OSBPL1A: variants seen among roughly 807,000 people sequenced by gnomAD.
OSBPL1A encodes oxysterol binding protein like 1A.
Under a neutral mutation model 137.1 loss-of-function variants are expected in OSBPL1A, and 80 were observed. The observed-to-expected ratio is 0.58, with a 90% CI of 0.49 to 0.70. The LOEUF is 0.70. Among genes scored for constraint, OSBPL1A ranks in the 30% least tolerant of loss-of-function variants. OSBPL1A has a pLI of 0.00. For missense variants in OSBPL1A, 970 were observed against 1,129.4 expected, an observed-to-expected ratio of 0.86 and a Z score of 2.02; for synonymous variants, 365 against 389.7, an observed-to-expected ratio of 0.94 and a Z score of 0.75.
intron 21 of OSBPL1A, among the ~76,000 whole-genome samples, chr18:24,175,557 A>G (rs998831464): frequency 5.9e-5 from 9 of 152,196 alleles, no homozygotes; most frequent in African/African-American, 2.2e-4. Flanking sequence ...TGTTGGCTAT[A>G]TGATTTGCAA....
At chr18:24,286,017 C>G (rs2090060745) in intron 14 of OSBPL1A, among the ~76,000 whole-genome samples, 1 of 152,114 alleles carries the variant, frequency 6.6e-6, no homozygotes, top group African/African-American at 2.4e-5. Context: ...ATTAGCCGGC[C>G]ATCATGGCGT....
chr18:24,309,459 G>A (rs957334692), intron 13 of OSBPL1A, among the ~76,000 whole-genome samples: 5 of 152,076 alleles, frequency 3.3e-5, no homozygotes, highest in African/African-American at 1.2e-4. Flanking sequence ...TTTCTTATAG[G>A]TCTGTGTACT....
intron 13 of OSBPL1A, among the ~76,000 whole-genome samples, chr18:24,306,318 T>C (rs2090500412): frequency 6.6e-6 from 1 of 152,076 alleles, no homozygotes; most frequent in South Asian, 2.1e-4. Flanking sequence ...TACCTTATGA[T>C]CCCTAACCTA....
chr18:24,281,015 A>G, intron 14 of OSBPL1A, 67 bp from the exon 15 acceptor site: 1 of 959,316 alleles, frequency 1.0e-6, no homozygotes, highest in Non-Finnish European at 1.6e-6. Flanking sequence ...TAAGACCACA[A>G]AAATACTCTC....
intron 18 of OSBPL1A, among the ~76,000 whole-genome samples, chr18:24,189,040 A>G (rs761417966): frequency 2.6e-5 from 4 of 152,224 alleles, no homozygotes; most frequent in Non-Finnish European, 4.4e-5. Flanking sequence ...AGCTTCAGGC[A>G]GCTGGAAAAG....
chr18:24,328,969 C>T (rs560452158), intron 7 of OSBPL1A, among the ~76,000 whole-genome samples: 13 of 152,252 alleles, frequency 8.5e-5, no homozygotes, highest in Middle Eastern at 3.4e-3. Context: ...TTTAAAATTA[C>T]ATATGTGACT....
chr18:24,303,510 T>C (rs1400681180), intron 14 of OSBPL1A, 127 bp downstream of exon 14: 2 of 640,686 alleles, frequency 3.1e-6, no homozygotes, highest in Non-Finnish European at 5.2e-6. Context: ...AGTTTCAAAA[T>C]AGTTTTATCA....
At position 24,239,214 on chromosome 18, in the gene OSBPL1A, A is replaced by G; in HGVS notation, c.1444+6T>C. 3 of 1,612,842 alleles carry G rather than the reference A, an allele frequency of 1.9e-6. No individual in the cohort carries two copies. Among genetic ancestry groups the G allele is most frequent in the Non-Finnish European group, 2.5e-6 (3 of 1,179,548 alleles). Reference sequence around the variant, plus strand: ...AACAATGCAGAGGGAAGGATCCCAGAGTTACCTGACAGCGCATCATAGAAC... The same window carrying G: ...AACAATGCAGAGGGAAGGATCCCAGGGTTACCTGACAGCGCATCATAGAAC... On this transcript the variant is annotated splice_donor_region_variant and intron_variant, in intron 16 of 27. Coordinates refer to ENST00000319481, the MANE Select transcript of OSBPL1A (RefSeq NM_080597.4).
intron 14 of OSBPL1A, among the ~76,000 whole-genome samples, chr18:24,298,681 T>C (rs1484214290): frequency 2.0e-5 from 3 of 152,184 alleles, no homozygotes; most frequent in Non-Finnish European, 4.4e-5. Flanking sequence ...CCAAGAACCC[T>C]CTCTTAGGGT....
intron 17 of OSBPL1A, among the ~76,000 whole-genome samples, chr18:24,216,493 C>T (rs1410634755): frequency 6.6e-6 from 1 of 152,068 alleles, no homozygotes; most frequent in Non-Finnish European, 1.5e-5. Flanking sequence ...GGCGACAGAG[C>T]GAGACTGTGT....
At chr18:24,337,424 A>ATAAC (rs1568036788) in intron 5 of OSBPL1A, among the ~76,000 whole-genome samples, 12 of 60,750 alleles carry the variant, frequency 2.0e-4, no homozygotes, top group African/African-American at 1.2e-3. Flanking sequence ...CATAACATAA[A>ATAAC]GCCAGGCATG....
At chr18:24,289,474 T>C (rs2090137155) in intron 14 of OSBPL1A, among the ~76,000 whole-genome samples, 1 of 136,992 alleles carries the variant, frequency 7.3e-6, no homozygotes. Flanking sequence ...CAGGCTGCAA[T>C]GCAATGGCAT....
At chr18:24,281,960 A>C (rs888711300) in intron 14 of OSBPL1A, among the ~76,000 whole-genome samples, 7 of 152,152 alleles carry the variant, frequency 4.6e-5, no homozygotes, top group Admixed American at 2.6e-4. Flanking sequence ...CGAGAGCACG[A>C]ACCCTATTGC....
At chr18:24,353,516 C>T (rs2091480446) in intron 4 of OSBPL1A, among the ~76,000 whole-genome samples, 3 of 151,910 alleles carry the variant, frequency 2.0e-5, no homozygotes, top group African/African-American at 7.3e-5. Flanking sequence ...GTGGCGATTC[C>T]TCAGGGATCT....
intron 17 of OSBPL1A, among the ~76,000 whole-genome samples, chr18:24,213,145 A>T (rs1183752652): frequency 6.6e-6 from 1 of 152,196 alleles, no homozygotes; most frequent in Non-Finnish European, 1.5e-5. Context: ...CTCCAACTAA[A>T]ATTAGCGTAG....
At chr18:24,289,418 G>GT (rs536281272) in intron 14 of OSBPL1A, among the ~76,000 whole-genome samples, 7,967 of 93,826 alleles carry the variant, frequency 0.085, 751 homozygotes, top group Middle Eastern at 0.14. Context: ...GTTTTTTCCT[G>GT]TTTTTTTTTT....
intron 17 of OSBPL1A, among the ~76,000 whole-genome samples, chr18:24,221,940 C>G (rs2087907155): frequency 6.6e-6 from 1 of 152,162 alleles, no homozygotes; most frequent in Non-Finnish European, 1.5e-5. Flanking sequence ...TTGTATATGG[C>G]AGCCTAGCCA....
At chr18:24,369,687 G>A (rs888701609) in intron 2 of OSBPL1A, among the ~76,000 whole-genome samples, 1 of 152,188 alleles carries the variant, frequency 6.6e-6, no homozygotes, top group Admixed American at 6.5e-5. Context: ...CCCTGGGATT[G>A]TTTGCCATTT....
At chr18:24,328,836 C>T (rs1380562216) in intron 7 of OSBPL1A, among the ~76,000 whole-genome samples, 1 of 152,158 alleles carries the variant, frequency 6.6e-6, no homozygotes, top group Non-Finnish European at 1.5e-5. Context: ...TGTAAGATCT[C>T]ACTGATAATT....
Sources: allele counts gnomAD v4.1 joint callset (sites outside exome capture counted in the v4.1 genomes callset), GRCh38; gene constraint gnomAD v4.1.1; transcripts MANE v1.5; gene names NCBI Gene and HGNC (gene_info 2026-07-23, HGNC 2026-07-21).